INPP5F: variants seen among roughly 807,000 people sequenced by gnomAD.
INPP5F encodes the protein phosphatidylinositide 4-phosphatase SAC2.
Under a neutral mutation model 137.2 loss-of-function variants are expected in INPP5F, and 97 were observed. That is an observed-to-expected ratio of 0.71 (90% CI 0.60 to 0.84). INPP5F has a LOEUF of 0.84. Ranked by LOEUF, INPP5F falls within the 40% of genes least tolerant of loss-of-function variation. INPP5F has a pLI of 0.00. For missense variants in INPP5F, 1,271 were observed against 1,371.9 expected, an observed-to-expected ratio of 0.93 and a Z score of 1.16; for synonymous variants, 504 against 476.9, an observed-to-expected ratio of 1.06 and a Z score of -0.74.
chr10:119,792,575 T>A (rs558338742), intron 6 of INPP5F, among the ~76,000 whole-genome samples: 181 of 151,630 alleles, frequency 1.2e-3, no homozygotes, highest in African/African-American at 4.3e-3. Context: ...CAGTTTTTTT[T>A]TTTTTTTTTT....
At chr10:119,821,233 A>G (rs1251033068) in intron 16 of INPP5F, among the ~76,000 whole-genome samples, 1 of 152,216 alleles carries the variant, frequency 6.6e-6, no homozygotes, top group East Asian at 1.9e-4. Flanking sequence ...ATGACCACGT[A>G]TCATTGTTTG....
At chr10:119,817,055 C>T (rs1219276929) in intron 15 of INPP5F, among the ~76,000 whole-genome samples, 1 of 152,148 alleles carries the variant, frequency 6.6e-6, no homozygotes, top group Non-Finnish European at 1.5e-5. Context: ...TCTGCATTTG[C>T]GTATTCTAGA....
chr10:119,782,047 C>A (rs748547186), intron 3 of INPP5F, among the ~76,000 whole-genome samples: 9 of 152,100 alleles, frequency 5.9e-5, no homozygotes, highest in African/African-American at 7.2e-5. Context: ...TGGGAAGCCA[C>A]CTTCTGTTTC....
chr10:119,780,094 G>A (rs1345696228), intron 2 of INPP5F, among the ~76,000 whole-genome samples: 1 of 152,124 alleles, frequency 6.6e-6, no homozygotes, highest in Non-Finnish European at 1.5e-5. Flanking sequence ...CATTTATGAT[G>A]TCACTACGTG....
intron 15 of INPP5F, among the ~76,000 whole-genome samples, chr10:119,817,999 A>T (rs1324290390): frequency 2.0e-5 from 3 of 152,244 alleles, no homozygotes; most frequent in Non-Finnish European, 2.9e-5. Flanking sequence ...CAGTCCCAGC[A>T]GGGAAGTAGG....
chr10:119,743,755 T>A (rs1231226825), intron 1 of INPP5F, among the ~76,000 whole-genome samples: 1 of 152,020 alleles, frequency 6.6e-6, no homozygotes, highest in Non-Finnish European at 1.5e-5. Context: ...GGTGGACAGG[T>A]AGTTAGCAAT....
At chr10:119,746,364 T>A (rs196189) in intron 1 of INPP5F, among the ~76,000 whole-genome samples, 149,253 of 152,242 alleles carry the variant, frequency 0.98, 73,239 homozygotes, top group Middle Eastern at 1. Context: ...TACCCAAGGG[T>A]TAGAGTCCTA....
intron 2 of INPP5F, among the ~76,000 whole-genome samples, chr10:119,778,319 T>A (rs1849592858): frequency 6.6e-6 from 1 of 152,148 alleles, no homozygotes; most frequent in Non-Finnish European, 1.5e-5. Flanking sequence ...ATATATCCTT[T>A]AAAAAAATTG....
At chr10:119,738,841 G>A (rs1848294159) in intron 1 of INPP5F, among the ~76,000 whole-genome samples, 1 of 152,028 alleles carries the variant, frequency 6.6e-6, no homozygotes, top group Non-Finnish European at 1.5e-5. Flanking sequence ...GAGAAGTTTT[G>A]TGTACCTGCT....
intron 2 of INPP5F, among the ~76,000 whole-genome samples, chr10:119,771,799 T>G (rs1849343574): frequency 6.9e-6 from 1 of 144,088 alleles, no homozygotes; most frequent in African/African-American, 2.6e-5. Context: ...TTGCTGAGCT[T>G]AATTATATTT....
At chr10:119,808,573 G>A (rs1488025754) in intron 13 of INPP5F, among the ~76,000 whole-genome samples, 6 of 152,210 alleles carry the variant, frequency 3.9e-5, no homozygotes, top group African/African-American at 1.4e-4. Context: ...TGCATGTAAG[G>A]GCTTAGAATA....
chr10:119,797,613 TA>T lies in INPP5F; in HGVS notation c.1022del (p.Tyr341LeufsTer26), dbSNP rs1564838060. ...PVFWSQVGYR[Y>X]NPRPRLDRSE... The stretch of plus-strand genomic sequence containing the variant: ...CTTTTGGAGCCAGGTTGGGTATCGA[TA>T]TAACCCAAGACCGCGGCTGGACAGA... On this transcript the variant is annotated frameshift_variant, in exon 8 of 20. Coordinates refer to ENST00000650623, the MANE Select transcript of INPP5F (RefSeq NM_014937.4). LOFTEE classifies it high-confidence loss of function. The T allele has an allele frequency of 1.9e-6, 3 of 1,613,134 alleles. No individual in the cohort carries two copies. Among genetic ancestry groups the T allele is most frequent in the Non-Finnish European group, 2.5e-6 (3 of 1,179,538 alleles).
intron 1 of INPP5F, among the ~76,000 whole-genome samples, chr10:119,747,674 A>T (rs374772211): frequency 1.3e-5 from 2 of 152,320 alleles, no homozygotes; most frequent in East Asian, 3.9e-4. Context: ...ATTCCCAGGA[A>T]TCTATCCAAA....
chr10:119,783,501 G>T (rs972639495), intron 3 of INPP5F, among the ~76,000 whole-genome samples: 1 of 152,242 alleles, frequency 6.6e-6, no homozygotes, highest in South Asian at 2.1e-4. Context: ...TCCAGAAAAG[G>T]TTGGGACCTT....
chr10:119,796,592 G>C, intron 6 of INPP5F, 123 bp from the exon 7 acceptor site: 1 of 820,222 alleles, frequency 1.2e-6, no homozygotes, highest in Admixed American at 1.9e-5. Flanking sequence ...AGAAAATATG[G>C]TTGAATAATG....
At chr10:119,808,473 C>G (rs1203201127) in intron 13 of INPP5F, among the ~76,000 whole-genome samples, 1 of 152,160 alleles carries the variant, frequency 6.6e-6, no homozygotes, top group Non-Finnish European at 1.5e-5. Context: ...TAGCTGTGAC[C>G]TTGGGCAAGT....
chr10:119,753,213 C>T (rs987213672), intron 2 of INPP5F, among the ~76,000 whole-genome samples: 3 of 152,126 alleles, frequency 2.0e-5, no homozygotes, highest in Admixed American at 1.3e-4. Flanking sequence ...TTAAATGACA[C>T]GTATGAAACT....
At chr10:119,730,529 T>C (rs1848026427) in intron 1 of INPP5F, among the ~76,000 whole-genome samples, 2 of 152,216 alleles carry the variant, frequency 1.3e-5, no homozygotes, top group African/African-American at 2.4e-5. Context: ...CAAAAAGAAA[T>C]ATAATACAAT....
chr10:119,794,851 A>ACCC (rs1268398072), intron 6 of INPP5F, among the ~76,000 whole-genome samples: 3 of 54,760 alleles, frequency 5.5e-5, no homozygotes, highest in African/African-American at 1.9e-4. Flanking sequence ...CGGGGGTCTG[A>ACCC]CCCCCTCCCC....
Sources: allele counts gnomAD v4.1 joint callset (sites outside exome capture counted in the v4.1 genomes callset), GRCh38; gene constraint gnomAD v4.1.1; transcripts MANE v1.5; gene names NCBI Gene and HGNC (gene_info 2026-07-23, HGNC 2026-07-21).